RBFOX1: variants seen among roughly 807,000 people sequenced by gnomAD.
RBFOX1 encodes the protein RNA binding protein fox-1 homolog 1.
RBFOX1 carries 8 observed loss-of-function variants against 57.7 expected under a neutral mutation model. The observed-to-expected ratio is 0.14, with a 90% confidence interval of 0.08 to 0.25. RBFOX1 has a LOEUF of 0.25. Among genes scored for constraint, RBFOX1 ranks in the 10% least tolerant of loss-of-function variants. The pLI is 1.00. For synonymous variants in RBFOX1, 326 were observed against 222.4 expected, an observed-to-expected ratio of 1.47 and a Z score of -4.15; for missense variants, 611 against 548.5, an observed-to-expected ratio of 1.11 and a Z score of -1.14.
intron 4 of RBFOX1, among the ~76,000 whole-genome samples, chr16:7,053,687 G>A (rs774948315): frequency 6.6e-6 from 1 of 152,180 alleles, no homozygotes; most frequent in Non-Finnish European, 1.5e-5. Flanking sequence ...GTCGACAGGA[G>A]TGTGGTTTAG....
chr16:7,635,246 A>C (rs1439482515), intron 11 of RBFOX1, among the ~76,000 whole-genome samples: 2 of 152,252 alleles, frequency 1.3e-5, no homozygotes, highest in Non-Finnish European at 2.9e-5. Context: ...TCCATGAATG[A>C]AAAAGTTCAC....
chr16:6,085,851 T>C (rs2096075937), intron 1 of RBFOX1, among the ~76,000 whole-genome samples: 1 of 152,182 alleles, frequency 6.6e-6, no homozygotes, highest in African/African-American at 2.4e-5. Flanking sequence ...CTGGGATACA[T>C]GTGCCAAACA....
At chr16:6,343,274 T>C (rs1031679438) in intron 2 of RBFOX1, among the ~76,000 whole-genome samples, 3 of 152,176 alleles carry the variant, frequency 2.0e-5, no homozygotes, top group African/African-American at 7.2e-5. Flanking sequence ...GTCTATTAGG[T>C]AATCTGTGTC....
intron 2 of RBFOX1, among the ~76,000 whole-genome samples, chr16:5,468,204 G>A (rs766588852): frequency 2.4e-4 from 36 of 152,260 alleles, no homozygotes; most frequent in Non-Finnish European, 4.7e-4. Flanking sequence ...AATTCACATA[G>A]CATAATATTA....
intron 7 of RBFOX1, among the ~76,000 whole-genome samples, chr16:7,588,152 C>T (rs2094229249): frequency 6.6e-6 from 1 of 152,164 alleles, no homozygotes. Flanking sequence ...GCACCACAGC[C>T]TCGGTGAACA....
rs188901961 is a variant in RBFOX1 at position 5,784,088 on chromosome 16, G to C, written c.319-83215G>C. The stretch of plus-strand genomic sequence containing the variant: ...CATAGAGGCCTCTGCTTGGCTTCTA[G>C]GGAGGCCTCAGGAAACCTACACTCA... On this transcript the variant is annotated intron_variant, in intron 3 of 19. Transcript: ENST00000641259. 8.7e-3 allele frequency among the ~76,000 whole-genome samples: 1,328 copies of C among 152,248 alleles called. 77 individuals carry two copies. Among genetic ancestry groups the C allele is most frequent in the Admixed American group, 0.081 (1,245 of 15,286 alleles).
intron 2 of RBFOX1, among the ~76,000 whole-genome samples, chr16:6,450,827 A>ATATG (rs1567303659): frequency 0.13 from 4,647 of 35,816 alleles, 905 homozygotes; most frequent in South Asian, 0.16. Flanking sequence ...ACATATATAT[A>ATATG]TATATATATG....
In RBFOX1 at chr16:5,982,271, A is replaced by AT. The variant is rs138839851; in HGVS notation, c.351+114947dup. Among the ~76,000 whole-genome samples, 799 of 148,832 alleles carry AT rather than the reference A, an allele frequency of 5.4e-3. 3 individuals are homozygous for AT. Among genetic ancestry groups the AT allele is most frequent in the Non-Finnish European group, 7.2e-3 (483 of 66,892 alleles). On this transcript the variant is annotated intron_variant, in intron 4 of 19. Coordinates refer to the RBFOX1 transcript ENST00000641259. ...CCCACCATAGGGCCTTTGCACATGA[A>AT]TTTTTTTTTTTCTTTTTTTTGAGAT...
intron 3 of RBFOX1, among the ~76,000 whole-genome samples, chr16:6,997,925 G>C (rs747588821): frequency 6.6e-6 from 1 of 151,854 alleles, no homozygotes; most frequent in Admixed American, 6.6e-5. Context: ...AAGGTTAAAA[G>C]AATTCTCATG....
intron 3 of RBFOX1, among the ~76,000 whole-genome samples, chr16:6,861,231 C>T (rs182192280): frequency 6.6e-6 from 1 of 152,242 alleles, no homozygotes; most frequent in Non-Finnish European, 1.5e-5. Context: ...TGTGTATTTG[C>T]ATGCTGAGTT....
chr16:7,274,465 C>CAGTTT lies in RBFOX1; in HGVS notation c.27+222368_27+222372dup, dbSNP rs201259742. ...CAACTTTATGCAAGCTTAGCAAAGT[C>CAGTTT]AGTTTCCTTCTTAGCTTGGAGAATA... On this transcript the variant is annotated intron_variant, in intron 4 of 15. Coordinates refer to ENST00000550418, the MANE Select transcript of RBFOX1 (RefSeq NM_018723.4). Among the ~76,000 whole-genome samples the CAGTTT allele has an allele frequency of 7.9e-5, 12 of 152,136 alleles. No homozygotes were observed. The East Asian group carries it at 2.3e-3, about 29-fold the overall frequency.
chr16:5,813,258 G>A (rs1180502868), intron 3 of RBFOX1, among the ~76,000 whole-genome samples: 4 of 152,088 alleles, frequency 2.6e-5, no homozygotes, highest in South Asian at 2.1e-4. Flanking sequence ...CGCCTATTTC[G>A]GCCTCCCAAA....
chr16:6,739,569 A>G (rs527560754), intron 3 of RBFOX1, among the ~76,000 whole-genome samples: 3 of 150,662 alleles, frequency 2.0e-5, no homozygotes, highest in Admixed American at 6.7e-5. Flanking sequence ...CAATTCTTCA[A>G]AATATCTTCT....
intron 4 of RBFOX1, among the ~76,000 whole-genome samples, chr16:7,385,915 G>GCTACTTTTTTATTTAT (rs1568551151): frequency 5.6e-5 from 5 of 88,966 alleles, no homozygotes; most frequent in African/African-American, 1.8e-4. Flanking sequence ...ACCATGCCCA[G>GCTACTTTTTTATTTAT]TTACTTATTT....
At chr16:5,900,972 T>C (rs1013289307) in intron 4 of RBFOX1, among the ~76,000 whole-genome samples, 2 of 152,208 alleles carry the variant, frequency 1.3e-5, no homozygotes, top group Non-Finnish European at 2.9e-5. Context: ...AGAGGTGGCA[T>C]GTGAGAAGCA....
chr16:6,468,354 A>G (rs1026105481), intron 2 of RBFOX1, among the ~76,000 whole-genome samples: 1 of 152,204 alleles, frequency 6.6e-6, no homozygotes, highest in Non-Finnish European at 1.5e-5. Context: ...CTTGTGCCCC[A>G]CTGCTGGGCC....
At chr16:6,318,602 A>T (rs547747650) in intron 2 of RBFOX1, among the ~76,000 whole-genome samples, 1 of 152,230 alleles carries the variant, frequency 6.6e-6, no homozygotes, top group African/African-American at 2.4e-5. Flanking sequence ...CTTCTCTGAA[A>T]GAAATTCCTG....
chr16:6,215,812 G>A (rs2097332271), intron 1 of RBFOX1, among the ~76,000 whole-genome samples: 1 of 152,118 alleles, frequency 6.6e-6, no homozygotes, highest in Non-Finnish European at 1.5e-5. Context: ...AGAAAGGACT[G>A]CATAAACATC....
intron 3 of RBFOX1, among the ~76,000 whole-genome samples, chr16:7,047,505 A>G (rs887941821): frequency 4.6e-5 from 7 of 152,138 alleles, no homozygotes; most frequent in African/African-American, 9.7e-5. Flanking sequence ...GGCTTTACCA[A>G]TATGACTGTG....
Sources: allele counts gnomAD v4.1 joint callset (sites outside exome capture counted in the v4.1 genomes callset), GRCh38; gene constraint gnomAD v4.1.1; transcripts MANE v1.5; gene names NCBI Gene and HGNC (gene_info 2026-07-23, HGNC 2026-07-21).